The following TM9SF2 variants were observed in gnomAD, a reference collection of about 807,000 sequenced individuals.
TM9SF2 encodes the protein 76 kDa membrane protein.
Under a neutral mutation model 84.9 loss-of-function variants are expected in TM9SF2, and 13 were observed. That is an observed-to-expected ratio of 0.15 (90% confidence interval 0.10 to 0.24). The LOEUF (loss-of-function observed/expected upper bound fraction) is 0.24. Ranked by LOEUF, TM9SF2 falls within the 10% of genes least tolerant of loss-of-function variation. The pLI is 1.00. For synonymous variants in TM9SF2, 273 were observed against 285.8 expected (o/e 0.96, Z 0.45); for missense variants, 562 against 818.5 (o/e 0.69, Z 3.82).
intron 1 of TM9SF2, among the ~76,000 whole-genome samples, chr13:99,511,555 T>C (rs1321801498): frequency 6.6e-6 from 1 of 152,224 alleles, no homozygotes; most frequent in Non-Finnish European, 1.5e-5. Context: ...GTATTCTATA[T>C]TCTGTGTTAA....
At chr13:99,516,514 A>G (rs2046135309) in intron 1 of TM9SF2, among the ~76,000 whole-genome samples, 1 of 152,180 alleles carries the variant, frequency 6.6e-6, no homozygotes, top group Non-Finnish European at 1.5e-5. Context: ...CAGCTAGTAA[A>G]TTCTGTCATG....
At chr13:99,561,114 A>G (rs978373723) in intron 16 of TM9SF2, among the ~76,000 whole-genome samples, 8 of 152,254 alleles carry the variant, frequency 5.3e-5, no homozygotes, top group African/African-American at 7.2e-5. Context: ...CTTCAATTGT[A>G]TTTTTCCTTT....
Position 99,541,603 on chromosome 13 carries a change from T to G in TM9SF2, c.953T>G (p.Val318Gly). 6 of 1,613,448 alleles carry G rather than the reference T, an allele frequency of 3.7e-6. No homozygotes were observed. The highest frequency in any genetic ancestry group is 4.2e-6 in the Non-Finnish European group (5 of 1,179,634). Residue 318 changes from valine to glycine, a missense_variant, in exon 9 of 17, where the codon GTA (valine) becomes GGA (glycine). Val to Gly is a moderately radical substitution (Grantham distance 109, BLOSUM62 -3). Transcript: ENST00000376387. ...LVIVLFLSGM[V>G]AMIMLRTLHK... Reference sequence around the variant, plus strand: ...ATTGTTCTCTTCTTATCTGGAATGGTAGCTATGATTATGTTACGGACACTG... The same window carrying G: ...ATTGTTCTCTTCTTATCTGGAATGGGAGCTATGATTATGTTACGGACACTG...
intron 1 of TM9SF2, among the ~76,000 whole-genome samples, chr13:99,506,756 A>G (rs904012430): frequency 3.3e-5 from 5 of 152,156 alleles, no homozygotes; most frequent in Non-Finnish European, 5.9e-5. Flanking sequence ...TCACACCCCC[A>G]ACACAAACAC....
At position 99,555,569 on chromosome 13, in the gene TM9SF2, A is replaced by G. The variant is rs146144200; in HGVS notation, c.1674A>G (p.Leu558=). Residue 558 remains leucine, a synonymous_variant, in exon 15 of 17, where the codon CTA becomes CTG. Coordinates refer to ENST00000376387, the MANE Select transcript of TM9SF2 (RefSeq NM_004800.3). ...SHQMYYMFGF[L]FLVFIILVIT... is the part of the protein sequence containing the mutation. ...AGATGTATTACATGTTTGGCTTCCT[A>G]TTTCTGGTGTTTATCATTTTGGTTA... 8.1e-6 allele frequency: 13 copies of G among 1,613,858 alleles called. No homozygotes were observed. The highest frequency in any genetic ancestry group is 1.7e-4 in the Middle Eastern group (1 of 6,054).
chr13:99,540,669 C>T (rs1418375289), intron 7 of TM9SF2, 45 bp from the exon 8 acceptor site: 1 of 1,499,256 alleles, frequency 6.7e-7, no homozygotes, highest in Non-Finnish European at 9.2e-7. Flanking sequence ...TCTTAATGTG[C>T]TGTCAGCAGA....
intron 4 of TM9SF2, among the ~76,000 whole-genome samples, chr13:99,532,047 A>ATT (rs1161776586): frequency 6.9e-6 from 1 of 144,274 alleles, no homozygotes; most frequent in Non-Finnish European, 1.5e-5. Context: ...TCTGTGGATG[A>ATT]TTTTTTTTTT....
intron 1 of TM9SF2, among the ~76,000 whole-genome samples, chr13:99,506,961 A>G (rs191471687): frequency 2.9e-4 from 44 of 152,340 alleles, no homozygotes; most frequent in South Asian, 1.2e-3. Context: ...TTAACTATCT[A>G]TGAAAGGCTT....
At chr13:99,534,015 T>C (rs564618931) in intron 4 of TM9SF2, among the ~76,000 whole-genome samples, 1 of 152,320 alleles carries the variant, frequency 6.6e-6, no homozygotes, top group African/African-American at 2.4e-5. Flanking sequence ...TTTGAGGATC[T>C]TTTTGGCTTA....
intron 3 of TM9SF2, among the ~76,000 whole-genome samples, chr13:99,520,678 C>T (rs886859983): frequency 2.0e-5 from 3 of 152,148 alleles, no homozygotes; most frequent in Admixed American, 6.5e-5. Context: ...AAGCAATTCT[C>T]GTGCCTCAGC....
At chr13:99,540,065 T>C (rs2046251501) in intron 7 of TM9SF2, among the ~76,000 whole-genome samples, 2 of 152,230 alleles carry the variant, frequency 1.3e-5, no homozygotes, top group Admixed American at 1.3e-4. Context: ...GATTTAATTA[T>C]GAACTTTAAA....
intron 15 of TM9SF2, among the ~76,000 whole-genome samples, chr13:99,556,875 C>T (rs956429391): frequency 2.0e-5 from 3 of 152,082 alleles, no homozygotes; most frequent in East Asian, 1.9e-4. Context: ...CGTGAGCCAC[C>T]GCGCCTGGCC....
At position 99,554,288 on chromosome 13, in the gene TM9SF2, C is replaced by T. The variant is rs371120072; in HGVS notation, c.1489-16C>T. On this transcript the variant is annotated splice_polypyrimidine_tract_variant and intron_variant, in intron 13 of 16. Coordinates refer to ENST00000376387, the MANE Select transcript of TM9SF2 (RefSeq NM_004800.3). ...GATACGTAATTATGAATTCTTCCTT[C>T]CTTTTTTTACTGAAGGCCATTGAAC... is the stretch of plus-strand genomic sequence containing the variant. 7.4e-5 allele frequency: 119 copies of T among 1,602,392 alleles called. No homozygotes were observed. The highest frequency in any genetic ancestry group is 9.3e-5 in the Non-Finnish European group (109 of 1,174,438).
Position 99,554,365 on chromosome 13 carries a change from A to G in TM9SF2, c.1550A>G (p.Tyr517Cys). Residue 517 changes from tyrosine (Y) to cysteine (C), a missense_variant, in exon 14 of 17, where the codon TAC (tyrosine) becomes TGC (cysteine). By Grantham distance (194) the Tyr-to-Cys change is radical (BLOSUM62 -2). Coordinates refer to ENST00000376387, the MANE Select transcript of TM9SF2 (RefSeq NM_004800.3). ...IPRQIPEQSF[Y>C]TKPLPGIIMG... ...CGTCAGATTCCTGAACAGTCGTTCT[A>G]CACGAAGCCCTTGCCTGGTATTATC... The G allele has an allele frequency of 1.2e-6, 2 of 1,614,190 alleles. No homozygotes were observed. The highest frequency in any genetic ancestry group is 1.7e-5 in the Admixed American group (1 of 60,030).
chr13:99,542,170 G>T (rs1319579448), intron 9 of TM9SF2, among the ~76,000 whole-genome samples: 1 of 144,394 alleles, frequency 6.9e-6, no homozygotes, highest in Non-Finnish European at 1.5e-5. Context: ...AAAAAAAATA[G>T]AAATGGAGTC....
At chr13:99,542,418 A>G (rs1052213995) in intron 9 of TM9SF2, among the ~76,000 whole-genome samples, 5 of 152,242 alleles carry the variant, frequency 3.3e-5, no homozygotes, top group African/African-American at 1.2e-4. Flanking sequence ...TATATTTAAA[A>G]TAATTGCATG....
chr13:99,543,807 T>A, intron 9 of TM9SF2, 56 bp from the exon 10 acceptor site: 2 of 1,594,042 alleles, frequency 1.3e-6, no homozygotes, highest in Non-Finnish European at 1.7e-6. Context: ...ACAAACTGTC[T>A]ATAGTTGTCT....
intron 9 of TM9SF2, 81 bp downstream of exon 9, chr13:99,541,748 A>C: frequency 1.1e-6 from 1 of 888,098 alleles, no homozygotes; most frequent in Non-Finnish European, 1.7e-6. Context: ...TAATAGCTTT[A>C]GAATCTGCTT....
intron 11 of TM9SF2, 106 bp from the exon 12 acceptor site, chr13:99,549,059 T>C: frequency 1.2e-6 from 1 of 827,340 alleles, no homozygotes; most frequent in Non-Finnish European, 2.0e-6. Flanking sequence ...TAGGAATGAG[T>C]ACTCATTGCT....
Sources: allele counts gnomAD v4.1 joint callset (sites outside exome capture counted in the v4.1 genomes callset), GRCh38; gene constraint gnomAD v4.1.1; transcripts MANE v1.5; gene names NCBI Gene and HGNC (gene_info 2026-07-23, HGNC 2026-07-21).